The following TTC39B variants were observed in gnomAD, a reference collection of about 807,000 sequenced individuals.
TTC39B encodes tetratricopeptide repeat protein 39B.
Under a neutral mutation model 96.6 loss-of-function variants are expected in TTC39B, and 92 were observed. That is an observed-to-expected ratio of 0.95 (90% confidence interval 0.80 to 1.13). TTC39B has a LOEUF of 1.13. Among genes scored for constraint, TTC39B ranks in the 50% most tolerant of loss-of-function variants. The pLI is 0.00. For missense variants in TTC39B, 955 were observed against 809.3 expected (o/e 1.18, Z -2.18); for synonymous variants, 367 against 299.4 (o/e 1.23, Z -2.33).
intron 3 of TTC39B, 129 bp from the exon 4 acceptor site, chr9:15,214,378 G>C: frequency 1.5e-6 from 1 of 663,140 alleles, no homozygotes; most frequent in Non-Finnish European, 2.5e-6. Context: ...GTGTGTCTGT[G>C]TGTGGATTCT....
At chr9:15,213,421 C>T (rs1820321988) in intron 4 of TTC39B, among the ~76,000 whole-genome samples, 1 of 152,204 alleles carries the variant, frequency 6.6e-6, no homozygotes, top group Non-Finnish European at 1.5e-5. Flanking sequence ...AACACAATTA[C>T]CATAGCAGCT....
intron 2 of TTC39B, among the ~76,000 whole-genome samples, chr9:15,256,022 T>C (rs1014215949): frequency 6.6e-6 from 1 of 152,242 alleles, no homozygotes; most frequent in Non-Finnish European, 1.5e-5. Context: ...TATGGTTTAA[T>C]GTTTGTGTCC....
At chr9:15,224,858 C>T (rs1289014753) in intron 3 of TTC39B, among the ~76,000 whole-genome samples, 1 of 152,194 alleles carries the variant, frequency 6.6e-6, no homozygotes, top group Non-Finnish European at 1.5e-5. Flanking sequence ...TATCTCCATT[C>T]TGTAACCTTT....
intron 3 of TTC39B, among the ~76,000 whole-genome samples, chr9:15,217,422 C>T (rs1001913369): frequency 6.6e-6 from 1 of 152,114 alleles, no homozygotes; most frequent in Non-Finnish European, 1.5e-5. Flanking sequence ...CTTAGATACA[C>T]AAAGTGGGAG....
intron 2 of TTC39B, among the ~76,000 whole-genome samples, chr9:15,237,085 C>T (rs1262945484): frequency 6.6e-6 from 1 of 152,090 alleles, no homozygotes; most frequent in Admixed American, 6.5e-5. Flanking sequence ...GAGGCCCAGG[C>T]GGATGGATCA....
chr9:15,198,861 G>A (rs575379602), intron 8 of TTC39B, among the ~76,000 whole-genome samples: 2 of 152,086 alleles, frequency 1.3e-5, no homozygotes, highest in African/African-American at 4.8e-5. Context: ...TATATCCCAT[G>A]CAAAGACTAA....
exon 20 of TTC39B, chr9:15,170,338 A>G (rs1238773918): frequency 1.3e-5 from 2 of 152,188 alleles, no homozygotes; most frequent in Non-Finnish European, 2.9e-5. Flanking sequence ...TGTCAACATC[A>G]AACACATGAA....
chr9:15,179,413 G>A (rs906983737), intron 17 of TTC39B, among the ~76,000 whole-genome samples: 2 of 152,190 alleles, frequency 1.3e-5, no homozygotes. Flanking sequence ...GATTAACAAT[G>A]CTACTTAACC....
rs537205418 is a variant in TTC39B at position 15,261,554 on chromosome 9, C to T, written c.275+6360G>A. On this transcript the variant is annotated intron_variant, in intron 2 of 19. Transcript: ENST00000512701. Reference sequence around the variant, plus strand: ...CTCCCCACTAGACAAGACCAGGAATCCTCCATGACCCAACTTCATTTGTGT... The same window carrying T: ...CTCCCCACTAGACAAGACCAGGAATTCTCCATGACCCAACTTCATTTGTGT... 9.5e-4 allele frequency among the ~76,000 whole-genome samples: 144 copies of T among 152,254 alleles called. 1 individual carries two copies. Among genetic ancestry groups the T allele is most frequent in the Non-Finnish European group, 1.3e-3 (90 of 68,012 alleles).
chr9:15,236,676 A>C lies in TTC39B; in HGVS notation c.276-10664T>G, dbSNP rs368252097. 1.2e-4 allele frequency among the ~76,000 whole-genome samples: 19 copies of C among 152,200 alleles called. No individual in the cohort carries two copies. In the East Asian group the frequency reaches 3.1e-3, roughly 25 times the overall value. On this transcript the variant is annotated intron_variant, in intron 2 of 19. Transcript: ENST00000512701. ...AAATCAATCCCAAGAAGAACTCTCAAAACTATACAAGTACATGGAACCTAA... is the reference window on the plus strand; with the variant it reads ...AAATCAATCCCAAGAAGAACTCTCACAACTATACAAGTACATGGAACCTAA...
intron 2 of TTC39B, among the ~76,000 whole-genome samples, chr9:15,232,988 C>T (rs564803416): frequency 1.3e-5 from 2 of 152,262 alleles, no homozygotes; most frequent in South Asian, 2.1e-4. Flanking sequence ...TCAAACACTG[C>T]ATACACAGAG....
At chr9:15,305,509 A>G (rs762524997) in intron 1 of TTC39B, among the ~76,000 whole-genome samples, 6 of 152,198 alleles carry the variant, frequency 3.9e-5, no homozygotes. Flanking sequence ...GAAGAAAAAT[A>G]AATGAATGAT....
chr9:15,186,923 T>C (rs1017162699), intron 15 of TTC39B, 21 bp downstream of exon 15: 22 of 1,607,358 alleles, frequency 1.4e-5, no homozygotes, highest in East Asian at 2.2e-5. Context: ...GCCTTTGTTA[T>C]AGGAATAGTG....
At chr9:15,210,611 A>G (rs1360780557) in intron 5 of TTC39B, among the ~76,000 whole-genome samples, 1 of 152,126 alleles carries the variant, frequency 6.6e-6, no homozygotes, top group Non-Finnish European at 1.5e-5. Context: ...CCCTAGTCCT[A>G]TGGGGGGCAC....
intron 2 of TTC39B, among the ~76,000 whole-genome samples, chr9:15,246,089 A>G (rs1351078869): frequency 6.6e-6 from 1 of 152,152 alleles, no homozygotes; most frequent in Non-Finnish European, 1.5e-5. Flanking sequence ...CCCTGTGTCT[A>G]ATAAAAATAC....
At chr9:15,207,248 C>T (rs747470321) in intron 6 of TTC39B, among the ~76,000 whole-genome samples, 3 of 152,164 alleles carry the variant, frequency 2.0e-5, no homozygotes, top group Non-Finnish European at 4.4e-5. Context: ...GATCCTCCCA[C>T]CTTAGCCTCC....
exon 20 of TTC39B, chr9:15,168,256 C>T (rs1215072906): frequency 6.6e-6 from 1 of 152,182 alleles, no homozygotes; most frequent in East Asian, 1.9e-4. Flanking sequence ...GGGGAAACAA[C>T]ACGGTTTACA....
chr9:15,188,028 G>A lies in TTC39B; in HGVS notation c.1338C>T (p.Asn446=), dbSNP rs376401966. Residue 446 remains asparagine (N), a synonymous_variant, in exon 14 of 20, where the codon AAC becomes AAT. Coordinates refer to ENST00000512701, the Ensembl canonical transcript of TTC39B. The stretch of plus-strand genomic sequence containing the variant: ...CTGAATAGTAATATGCCTGCATCCA[G>A]TTTTGTTGGAAAACATTAATCCACA... 6 of 1,612,786 alleles carry A rather than the reference G, an allele frequency of 3.7e-6. No individual in the cohort carries two copies. In the African/African-American group the frequency reaches 5.3e-5, roughly 14 times the overall value.
At chr9:15,216,822 C>T (rs1820545116) in intron 3 of TTC39B, among the ~76,000 whole-genome samples, 1 of 152,192 alleles carries the variant, frequency 6.6e-6, no homozygotes, top group Non-Finnish European at 1.5e-5. Context: ...AACCCAGGCT[C>T]TCAAAGAGCT....
Sources: allele counts gnomAD v4.1 joint callset (sites outside exome capture counted in the v4.1 genomes callset), GRCh38; gene constraint gnomAD v4.1.1; transcripts MANE v1.5; gene names NCBI Gene and HGNC (gene_info 2026-07-23, HGNC 2026-07-21).